GATA6: variants seen among roughly 807,000 people sequenced by gnomAD.
GATA6 encodes the protein transcription factor GATA-6.
A neutral mutation model predicts 48.1 loss-of-function variants in GATA6; 11 were observed. That is an observed-to-expected ratio of 0.23 (90% confidence interval 0.14 to 0.38). GATA6 has a LOEUF of 0.38. Among genes scored for constraint, GATA6 ranks in the 10% least tolerant of loss-of-function variants. The pLI, the probability that GATA6 is intolerant of heterozygous loss-of-function variation, is 1.00. For synonymous variants in GATA6, 419 were observed against 396.1 expected, an observed-to-expected ratio of 1.06 and a Z score of -0.69; for missense variants, 795 against 850.3, an observed-to-expected ratio of 0.93 and a Z score of 0.81.
chr18:22,172,415 GA>G lies in GATA6; in HGVS notation c.1135+138del, dbSNP rs372425858. 6.4e-4 allele frequency: 918 copies of G among 1,425,848 alleles called. 8 individuals are homozygous for G. The African/African-American group carries it at 0.011, about 17-fold the overall frequency. The allele number at this position is 1,425,848 out of a possible 1,614,324, so 88.3% of individuals were successfully genotyped here. On this transcript the variant is annotated intron_variant, in intron 2 of 6. Coordinates refer to ENST00000269216, the MANE Select transcript of GATA6 (RefSeq NM_005257.6). The surrounding 1 kb of genome is among the most constrained non-coding windows in gnomAD (Gnocchi z 5.2). ...TGCGCGGAGGTCGGCCTGGTCCCAG[GA>G]AGGATTTGCAGGCCTGTGGCTGGGT...
rs185546255 is a variant in GATA6, at chr18:22,185,124, G to A, written c.1620+2081G>A. 5.9e-5 allele frequency among the ~76,000 whole-genome samples: 9 copies of A among 152,310 alleles called. No homozygotes were observed. In the South Asian group the frequency reaches 6.2e-4, roughly 11 times the overall value. On this transcript the variant is annotated intron_variant, in intron 6 of 6. Coordinates refer to ENST00000269216, the MANE Select transcript of GATA6 (RefSeq NM_005257.6). The surrounding 1 kb of genome is among the most constrained non-coding windows in gnomAD (Gnocchi z 4.3). ...CAAGTCCTATCGGTTGCTGTCCAGC[G>A]AAAGGAGTGAAAAGCCAGTGAAAAG...
intron 6 of GATA6, among the ~76,000 whole-genome samples, chr18:22,186,088 TTTACAAAGTATATGTA>T: frequency 6.6e-6 from 1 of 152,298 alleles, no homozygotes; most frequent in East Asian, 1.9e-4. Context: ...GTATCTGGTG[TTTACAAAGTATATGTA>T]TTACATACAC....
chr18:22,172,419 G>C lies in GATA6; in HGVS notation c.1135+140G>C, dbSNP rs1216946398. ...CGGAGGTCGGCCTGGTCCCAGGAAG[G>C]ATTTGCAGGCCTGTGGCTGGGTAAC... On this transcript the variant is annotated intron_variant, in intron 2 of 6. Coordinates refer to ENST00000269216, the MANE Select transcript of GATA6 (RefSeq NM_005257.6). The surrounding 1 kb of genome is among the most constrained non-coding windows in gnomAD (Gnocchi z 5.2). The C allele has an allele frequency of 1.4e-6, 2 of 1,412,648 alleles. No homozygotes were observed. Among genetic ancestry groups the C allele is most frequent in the Non-Finnish European group, 1.9e-6 (2 of 1,073,354 alleles). The allele number at this position is 1,412,648 out of a possible 1,614,324, so 87.5% of individuals were successfully genotyped here.
intron 2 of GATA6, among the ~76,000 whole-genome samples, chr18:22,173,706 G>T (rs1265987102): frequency 6.6e-6 from 1 of 152,174 alleles, no homozygotes. Flanking sequence ...AGTCTGGAGT[G>T]CAGTGGCTCA....
intron 6 of GATA6, among the ~76,000 whole-genome samples, chr18:22,194,384 C>T (rs2033364925): frequency 6.6e-6 from 1 of 152,196 alleles, no homozygotes; most frequent in South Asian, 2.1e-4. Context: ...GATTTCTGCT[C>T]CACCCTCCTT....
At chr18:22,199,946 A>C (rs1345529609) in intron 6 of GATA6, among the ~76,000 whole-genome samples, 3 of 151,582 alleles carry the variant, frequency 2.0e-5, no homozygotes, top group African/African-American at 7.3e-5. Flanking sequence ...TGCCATGATC[A>C]TGGCAGATAG....
In GATA6 at chr18:22,169,695, C is replaced by A. The variant is rs1357479671; in HGVS notation, c.-38+13C>A. On this transcript the variant is annotated intron_variant, in intron 1 of 6. Coordinates refer to ENST00000269216, the MANE Select transcript of GATA6 (RefSeq NM_005257.6). ...GCGCCCGCCCGAGGTTCGGCTGCTT[C>A]CTCCTCGCGCGATCTCCCCGCTTTC... The A allele has an allele frequency of 6.6e-6, 1 of 152,292 alleles. No homozygotes were observed. The highest frequency in any genetic ancestry group is 1.5e-5 in the Non-Finnish European group (1 of 68,084). The allele number at this position is 152,292 out of a possible 1,614,324, so 9.4% of individuals were successfully genotyped here.
chr18:22,176,430 A>T (rs548556434), intron 2 of GATA6: 1 of 152,670 alleles, frequency 6.6e-6, no homozygotes, highest in South Asian at 2.1e-4. Context: ...GAAGAGGCAC[A>T]TATGGACGGG....
chr18:22,184,387 G>A (rs2033237216), intron 6 of GATA6, among the ~76,000 whole-genome samples: 1 of 151,656 alleles, frequency 6.6e-6, no homozygotes, highest in African/African-American at 2.4e-5. Context: ...GCTTTATAAA[G>A]GTGGACTCCA....
rs1459871632 is a variant in GATA6, at chr18:22,181,528, G to A, written c.1378G>A (p.Glu460Lys). 4 of 1,614,052 alleles carry A rather than the reference G, an allele frequency of 2.5e-6. No individual in the cohort carries two copies. The highest frequency in any genetic ancestry group is 1.3e-5 in the African/African-American group (1 of 74,916). ...TACCACCTTATGGCGCAGAAACGCC[G>A]AGGGTGAACCCGTGTGCAATGCTTG... ...TTTTLWRRNA[E>K]GEPVCNACGL... The change falls in exon 4 of 7, where the codon GAG (glutamate) becomes AAG (lysine). Residue 460 changes from glutamate to lysine, a missense_variant. Transcript: ENST00000269216.
At position 22,197,353 on chromosome 18, in the gene GATA6, A is replaced by G. The variant is rs543836211; in HGVS notation, c.1621-3303A>G. On this transcript the variant is annotated intron_variant, in intron 6 of 6. Transcript: ENST00000269216. ...AGGCGTGGGCCACCGCGCCTGGCCTAGCCAATTTAATTCTTGCAATAATCT... is the reference window on the plus strand; with the variant it reads ...AGGCGTGGGCCACCGCGCCTGGCCTGGCCAATTTAATTCTTGCAATAATCT... Among the ~76,000 whole-genome samples, 133 of 152,276 alleles carry G rather than the reference A, an allele frequency of 8.7e-4. No individual in the cohort carries two copies. The Middle Eastern group carries it at 0.014, about 16-fold the overall frequency.
rs1431042643 is a variant in GATA6, at chr18:22,177,167, T to TCTCCTGGCCCGGCCGGCCC, written c.1302+48_1302+66dup. ...CCCTGGCTCGCGGCCGGCCCCGGGCTCTCCTGGCCCGGCCGGCCCCGCCCT... is the reference window on the plus strand; with the variant it reads ...CCCTGGCTCGCGGCCGGCCCCGGGCTCTCCTGGCCCGGCCGGCCCCTCCTGGCCCGGCCGGCCCCGCCCT... On this transcript the variant is annotated intron_variant, in intron 3 of 6. Coordinates refer to ENST00000269216, the MANE Select transcript of GATA6 (RefSeq NM_005257.6). 7 of 1,508,960 alleles carry TCTCCTGGCCCGGCCGGCCC rather than the reference T, an allele frequency of 4.6e-6. No individual in the cohort carries two copies. The Admixed American group carries it at 8.5e-5, about 18-fold the overall frequency. The allele number at this position is 1,508,960 out of a possible 1,614,324, so 93.5% of individuals were successfully genotyped here.
rs1052045980 is a variant in GATA6 at position 22,171,918 on chromosome 18, C to T, written c.774C>T (p.His258=). ...GCGGCGCTGGCTCAGCCGCGGCGCA[C>T]GTCTCGGCGCGCTTCCCCTACTCTC... ...GPGGAGSAAA[H]VSARFPYSPS... is the part of the protein sequence containing the mutation. The change falls in exon 2 of 7, where the codon CAC becomes CAT. Residue 258 remains histidine (H), a synonymous_variant. Transcript: ENST00000269216. This position sits in a 1 kb window ranked among gnomAD's most constrained non-coding sequence, Gnocchi z 7.1. 4 of 1,174,334 alleles carry T rather than the reference C, an allele frequency of 3.4e-6. No individual in the cohort carries two copies. Among genetic ancestry groups the T allele is most frequent in the East Asian group, 3.8e-5 (1 of 26,124 alleles). 72.7% of individuals were successfully genotyped at this position (1,174,334 alleles called of 1,614,324 possible).
rs548616013 is a variant in GATA6, at chr18:22,175,719, C to T, written c.1136-1236C>T. On this transcript the variant is annotated intron_variant, in intron 2 of 6. Coordinates refer to ENST00000269216, the MANE Select transcript of GATA6 (RefSeq NM_005257.6). ...TTATGCTAAAGTCATATTTAAATAT[C>T]GTTACCACACAGTTGATAGTAGACA... is the stretch of plus-strand genomic sequence containing the variant. 3.3e-5 allele frequency: 5 copies of T among 152,234 alleles called. No individual in the cohort carries two copies. In the South Asian group the frequency reaches 1.0e-3, roughly 32 times the overall value. The allele number at this position is 152,234 out of a possible 1,614,324, so 9.4% of individuals were successfully genotyped here. A position where few individuals can be genotyped will look rare whatever the true frequency, so the allele number is the denominator to read the frequency against.
chr18:22,194,163 C>T (rs977406546), intron 6 of GATA6, among the ~76,000 whole-genome samples: 1 of 152,200 alleles, frequency 6.6e-6, no homozygotes, highest in Non-Finnish European at 1.5e-5. Flanking sequence ...TGTAGCAGCC[C>T]AAGCTCTCCC....
intron 2 of GATA6, chr18:22,175,516 C>G (rs972976237): frequency 1.3e-5 from 2 of 152,110 alleles, no homozygotes; most frequent in African/African-American, 4.8e-5. Context: ...TACTGATTAC[C>G]GTAGTCAATA....
At chr18:22,176,866 G>A in intron 2 of GATA6, 89 bp from the exon 3 acceptor site, 1 of 1,425,620 alleles carries the variant, frequency 7.0e-7, no homozygotes, top group Non-Finnish European at 9.2e-7. Flanking sequence ...GCCGGGCACC[G>A]GGGCTGGGGG....
chr18:22,188,673 C>T (rs537700496), intron 6 of GATA6, among the ~76,000 whole-genome samples: 38 of 152,274 alleles, frequency 2.5e-4, no homozygotes, highest in Admixed American at 4.6e-4. Flanking sequence ...CAATTAGGAC[C>T]TTCTTACTGG....
intron 6 of GATA6, among the ~76,000 whole-genome samples, chr18:22,190,645 C>T (rs982618082): frequency 3.9e-5 from 6 of 152,020 alleles, no homozygotes; most frequent in Non-Finnish European, 7.4e-5. Context: ...AACCAAGATC[C>T]GGAGTGACTC....
Sources: allele counts gnomAD v4.1 joint callset (sites outside exome capture counted in the v4.1 genomes callset), GRCh38; gene constraint gnomAD v4.1.1; non-coding constraint Gnocchi (gnomAD v3.1); transcripts MANE v1.5; gene names NCBI Gene and HGNC (gene_info 2026-07-23, HGNC 2026-07-21).